TESC: variants seen among roughly 807,000 people sequenced by gnomAD.
TESC encodes tescalcin, also known as calcineurin B homologous protein 3.
TESC carries 19 observed loss-of-function variants against 31.0 expected under a neutral mutation model. The observed-to-expected ratio is 0.61, with a 90% CI of 0.43 to 0.90. TESC has a LOEUF of 0.90. Ranked by LOEUF, TESC falls within the 40% of genes least tolerant of loss-of-function variation. The pLI is 0.00. For synonymous variants in TESC, 109 were observed against 114.8 expected, an observed-to-expected ratio of 0.95 and a Z score of 0.32; for missense variants, 248 against 303.8, an observed-to-expected ratio of 0.82 and a Z score of 1.36.
At chr12:117,050,992 C>G (rs1289687939) in intron 3 of TESC, among the ~76,000 whole-genome samples, 1 of 152,174 alleles carries the variant, frequency 6.6e-6, no homozygotes, top group Non-Finnish European at 1.5e-5. Context: ...GTCGTCAAAC[C>G]CTTATCTCTA....
chr12:117,084,774 C>T (rs1955193447), intron 1 of TESC, among the ~76,000 whole-genome samples: 1 of 152,196 alleles, frequency 6.6e-6, no homozygotes, highest in South Asian at 2.1e-4. Context: ...CATTTTGGGG[C>T]ACCAGGACTC....
At chr12:117,066,958 G>C (rs1954894237) in intron 2 of TESC, among the ~76,000 whole-genome samples, 1 of 152,186 alleles carries the variant, frequency 6.6e-6, no homozygotes. Flanking sequence ...TTAGAAAGCT[G>C]CTTTTTGCCT....
chr12:117,096,187 C>T (rs1317449862), intron 1 of TESC, among the ~76,000 whole-genome samples: 1 of 152,170 alleles, frequency 6.6e-6, no homozygotes, highest in Non-Finnish European at 1.5e-5. Flanking sequence ...AGAAAGGGAC[C>T]AAGCTGATTC....
At chr12:117,097,027 C>T (rs78694427) in intron 1 of TESC, among the ~76,000 whole-genome samples, 5 of 152,166 alleles carry the variant, frequency 3.3e-5, no homozygotes, top group Non-Finnish European at 5.9e-5. Flanking sequence ...TAACACCTGT[C>T]GGGCGTTTTG....
At chr12:117,075,849 A>ATATATATATATATGTG (rs1955046702) in intron 1 of TESC, among the ~76,000 whole-genome samples, 7 of 24,014 alleles carry the variant, frequency 2.9e-4, no homozygotes, top group Non-Finnish European at 5.2e-4. Context: ...GTGTGTGTGT[A>ATATATATATATATGTG]TATATATATA....
At position 117,092,514 on chromosome 12, in the gene TESC, G is replaced by A. The variant is rs138657669; in HGVS notation, c.58+6711C>T. ...GGGGAGGCCTGGAAGCCCCCATCCA[G>A]TCAAGGCAGAAAGGGTTCCAGAGGC... On this transcript the variant is annotated intron_variant, in intron 1 of 7. Transcript: ENST00000335209. Among the ~76,000 whole-genome samples, 168 of 152,360 alleles carry A rather than the reference G, an allele frequency of 1.1e-3. 1 individual carries two copies. The highest frequency in any genetic ancestry group is 3.9e-3 in the African/African-American group (163 of 41,588).
chr12:117,097,423 C>T (rs950949019), intron 1 of TESC, among the ~76,000 whole-genome samples: 2 of 152,184 alleles, frequency 1.3e-5, no homozygotes, highest in Non-Finnish European at 2.9e-5. Context: ...AAACCCACAA[C>T]CAGGTGGAAT....
At chr12:117,072,399 T>C (rs917918863) in intron 2 of TESC, among the ~76,000 whole-genome samples, 2 of 152,276 alleles carry the variant, frequency 1.3e-5, no homozygotes, top group Non-Finnish European at 2.9e-5. Context: ...TCATTTTTAA[T>C]GCTCAAATCA....
intron 6 of TESC, among the ~76,000 whole-genome samples, chr12:117,044,855 C>A (rs1954533908): frequency 6.6e-6 from 1 of 152,168 alleles, no homozygotes; most frequent in Admixed American, 6.5e-5. Flanking sequence ...CGAGATGGTG[C>A]TACTGCACTC....
At chr12:117,095,127 T>C (rs1357240551) in intron 1 of TESC, among the ~76,000 whole-genome samples, 2 of 151,788 alleles carry the variant, frequency 1.3e-5, no homozygotes, top group African/African-American at 4.8e-5. Context: ...CAGGCTGGAG[T>C]ACAGTGGCAT....
chr12:117,076,504 G>A (rs189319516), intron 1 of TESC, among the ~76,000 whole-genome samples: 2 of 152,230 alleles, frequency 1.3e-5, no homozygotes, highest in African/African-American at 2.4e-5. Context: ...GAATGCAGTG[G>A]TGCAATCTCA....
intron 1 of TESC, among the ~76,000 whole-genome samples, chr12:117,083,235 C>T (rs1052680435): frequency 6.6e-6 from 1 of 152,178 alleles, no homozygotes; most frequent in Admixed American, 6.5e-5. Context: ...TGTGCCACCA[C>T]GCTTGGCTAA....
intron 2 of TESC, among the ~76,000 whole-genome samples, chr12:117,066,458 G>A (rs1297100775): frequency 1.3e-5 from 2 of 149,142 alleles, no homozygotes; most frequent in East Asian, 2.0e-4. Context: ...TGCAAGCTCC[G>A]CCTCCCGGGT....
chr12:117,060,945 G>A (rs1954793594), intron 2 of TESC, among the ~76,000 whole-genome samples: 2 of 152,150 alleles, frequency 1.3e-5, no homozygotes, highest in African/African-American at 4.8e-5. Flanking sequence ...AATCCTTCCT[G>A]AGTCTGTTTT....
rs114364814 is a variant in TESC at position 117,058,354 on chromosome 12, G to A, written c.129-1468C>T. ...TATCTGGAATAGGTAAATACACCGC[G>A]GTAGAAAGCAGATTGGTGGTTGTCA... On this transcript the variant is annotated intron_variant, in intron 2 of 7. Coordinates refer to ENST00000335209, the MANE Select transcript of TESC (RefSeq NM_017899.4). Among the ~76,000 whole-genome samples, 578 of 152,150 alleles carry A rather than the reference G, an allele frequency of 3.8e-3. 6 individuals carry two copies. Among genetic ancestry groups the A allele is most frequent in the African/African-American group, 0.013 (559 of 41,502 alleles).
intron 2 of TESC, among the ~76,000 whole-genome samples, chr12:117,071,687 T>A (rs1166256298): frequency 6.6e-6 from 1 of 151,924 alleles, no homozygotes; most frequent in Non-Finnish European, 1.5e-5. Flanking sequence ...TGGGGATGGG[T>A]GTGCAGGAGA....
intron 1 of TESC, among the ~76,000 whole-genome samples, chr12:117,075,950 CATAT>C (rs113707120): frequency 6.3e-5 from 3 of 47,624 alleles, no homozygotes; most frequent in South Asian, 7.2e-4. Context: ...TGTATATATA[CATAT>C]ATATATATAT....
intron 3 of TESC, among the ~76,000 whole-genome samples, chr12:117,056,337 G>A (rs28454853): frequency 0.03 from 4,388 of 147,242 alleles, 168 homozygotes; most frequent in South Asian, 0.12. Flanking sequence ...GATTACAGGC[G>A]TGAGCCACTG....
At chr12:117,063,087 A>G (rs1954820582) in intron 2 of TESC, among the ~76,000 whole-genome samples, 1 of 152,186 alleles carries the variant, frequency 6.6e-6, no homozygotes, top group Non-Finnish European at 1.5e-5. Flanking sequence ...TGTGCTAAGC[A>G]CTGCAACACT....
Sources: allele counts gnomAD v4.1 joint callset (sites outside exome capture counted in the v4.1 genomes callset), GRCh38; gene constraint gnomAD v4.1.1; transcripts MANE v1.5; gene names NCBI Gene and HGNC (gene_info 2026-07-23, HGNC 2026-07-21).